The following SLC35H1 variants were observed in gnomAD, a reference collection of about 807,000 sequenced individuals.
The protein encoded by SLC35H1 is solute carrier family 35 member H1.
At chr20:46,356,817 G>A in the SLC35H1 span, among the ~76,000 whole-genome samples, 1 of 152,222 alleles carries the variant, frequency 6.6e-6, no homozygotes, top group Non-Finnish European at 1.5e-5. Context: ...CCCAAAGGTC[G>A]GGGGCTGCTC....
At chr20:46,352,049 A>C in the SLC35H1 span, 1 of 1,614,010 alleles carries the variant, frequency 6.2e-7, no homozygotes, top group Non-Finnish European at 8.5e-7. Context: ...CCGAGTCTGT[A>C]CCTTAAAAAT....
At chr20:46,358,242 G>C in the SLC35H1 span, 1 of 758,744 alleles carries the variant, frequency 1.3e-6, no homozygotes, top group Middle Eastern at 3.9e-4. Context: ...GGCAGGCTTG[G>C]AGGGCCCTGT....
the SLC35H1 span, chr20:46,358,464 C>G: frequency 6.2e-7 from 1 of 1,614,250 alleles, no homozygotes; most frequent in East Asian, 2.2e-5. Context: ...AGGGTCAACA[C>G]CGCCTTCCAC....
the SLC35H1 span, chr20:46,347,767 CT>C: frequency 6.6e-6 from 1 of 152,290 alleles, no homozygotes; most frequent in South Asian, 2.1e-4. Flanking sequence ...CGGGCCCTGC[CT>C]GATGGCTCAG....
the SLC35H1 span, chr20:46,364,200 G>A: frequency 8.5e-5 from 13 of 152,416 alleles, no homozygotes; most frequent in African/African-American, 3.1e-4. Flanking sequence ...GGCGCTTGGA[G>A]ACCCCTGCCC....
chr20:46,356,502 G>A, the SLC35H1 span: 2 of 1,508,752 alleles, frequency 1.3e-6, no homozygotes, highest in South Asian at 1.1e-5. Flanking sequence ...GCAGCCGGGT[G>A]TGCAGACACC....
the SLC35H1 span, chr20:46,356,497 C>A: frequency 7.0e-7 from 1 of 1,421,852 alleles, no homozygotes; most frequent in Non-Finnish European, 9.8e-7. Flanking sequence ...GCCTAGCAGC[C>A]GGGTGTGCAG....
At chr20:46,352,323 T>C in the SLC35H1 span, 4 of 1,071,052 alleles carry the variant, frequency 3.7e-6, no homozygotes, top group East Asian at 9.5e-5. Context: ...TAGTAGTGAG[T>C]TCTTACTGAG....
chr20:46,359,000 A>G, the SLC35H1 span: 1 of 533,628 alleles, frequency 1.9e-6, no homozygotes, highest in Non-Finnish European at 3.4e-6. Flanking sequence ...ACTGCTTAAA[A>G]CCCTTCAGCA....
At chr20:46,352,075 A>G in the SLC35H1 span, 3 of 1,614,060 alleles carry the variant, frequency 1.9e-6, no homozygotes, top group African/African-American at 4.0e-5. Flanking sequence ...CAATGGAGAG[A>G]GTGAGGCTGG....
the SLC35H1 span, among the ~76,000 whole-genome samples, chr20:46,359,416 T>G: frequency 6.6e-6 from 1 of 152,206 alleles, no homozygotes; most frequent in Non-Finnish European, 1.5e-5. Flanking sequence ...AAGACCACAC[T>G]GGCCTTACGC....
chr20:46,357,897 A>G, the SLC35H1 span: 25 of 1,015,444 alleles, frequency 2.5e-5, no homozygotes, highest in Admixed American at 9.1e-5. Context: ...GGACCTTGCT[A>G]TGTGTGTAGG....
chr20:46,350,917 A>G, the SLC35H1 span: 1 of 1,612,702 alleles, frequency 6.2e-7, no homozygotes, highest in African/African-American at 1.3e-5. Context: ...AGGAGGGAGC[A>G]TGATCAACAG....
chr20:46,354,823 G>C, the SLC35H1 span: 3 of 1,438,452 alleles, frequency 2.1e-6, no homozygotes, highest in African/African-American at 4.2e-5. Context: ...GTTGGGCTCA[G>C]GGCGAGGATC....
chr20:46,350,163 C>T, the SLC35H1 span: 84 of 381,752 alleles, frequency 2.2e-4, 2 homozygotes, highest in East Asian at 8.1e-5. Context: ...GCGATTCCAG[C>T]GCAGCTTGGG....
At chr20:46,356,513 C>T in the SLC35H1 span, 10 of 1,574,406 alleles carry the variant, frequency 6.4e-6, no homozygotes, top group Non-Finnish European at 7.8e-6. Flanking sequence ...TGCAGACACC[C>T]CGCTGGACAG....
chr20:46,362,401 A>T, the SLC35H1 span, among the ~76,000 whole-genome samples: 1 of 152,150 alleles, frequency 6.6e-6, no homozygotes, highest in Non-Finnish European at 1.5e-5. Context: ...CATCACTGGC[A>T]CACCTGCTTC....
At chr20:46,353,714 C>T in the SLC35H1 span, among the ~76,000 whole-genome samples, 2 of 152,116 alleles carry the variant, frequency 1.3e-5, no homozygotes, top group African/African-American at 2.4e-5. Flanking sequence ...TAAATCCATG[C>T]AGCTTTGCCA....
chr20:46,364,104 A>G, the SLC35H1 span: 1 of 152,206 alleles, frequency 6.6e-6, no homozygotes, highest in African/African-American at 2.4e-5. Flanking sequence ...GCCGTGTCCG[A>G]TTCCGGCCCG....
Sources: gnomAD v4.1 joint callset for allele counts (sites outside exome capture counted in the v4.1 genomes callset) on GRCh38, gnomAD v4.1.1 for gene constraint, MANE v1.5 for transcripts, NCBI Gene and HGNC (gene_info 2026-07-23, HGNC 2026-07-21) for gene names.